RASGEF1A: variants seen among roughly 807,000 people sequenced by gnomAD.
RASGEF1A encodes the protein ras-GEF domain-containing family member 1A.
Under a neutral mutation model 56.4 loss-of-function variants are expected in RASGEF1A, and 18 were observed. The observed-to-expected ratio is 0.32, with a 90% CI of 0.22 to 0.47. The LOEUF (loss-of-function observed/expected upper bound fraction) is 0.47, where lower values mean the gene tolerates loss of function less well. RASGEF1A is among the 20% of genes least tolerant of loss of function. The pLI is 1.00. For missense variants in RASGEF1A, 422 were observed against 627.1 expected, an observed-to-expected ratio of 0.67 and a Z score of 3.49; for synonymous variants, 245 against 242.6, an observed-to-expected ratio of 1.01 and a Z score of -0.09.
intron 2 of RASGEF1A, 166 bp from the exon 3 acceptor site, chr10:43,203,586 C>A: frequency 7.8e-7 from 1 of 1,283,728 alleles, no homozygotes; most frequent in Non-Finnish European, 1.0e-6. Flanking sequence ...CCTTCCTCCT[C>A]TTACTGCTAC....
In RASGEF1A at chr10:43,214,477, A is replaced by G. The variant is rs1268064868; in HGVS notation, c.-6-8355T>C. Among the ~76,000 whole-genome samples the G allele has an allele frequency of 2.6e-4, 39 of 152,188 alleles. 1 individual carries two copies. The highest frequency in any genetic ancestry group is 2.6e-3 in the Admixed American group (39 of 15,284). ...CTTCGTAGGTGTGTGCACAGAGCAC[A>G]ACTGTCCAGCTCCCCAAAAGGGGCT... On this transcript the variant is annotated intron_variant, in intron 1 of 12. Coordinates refer to ENST00000395810, the MANE Select transcript of RASGEF1A (RefSeq NM_145313.4).
intron 10 of RASGEF1A, among the ~76,000 whole-genome samples, chr10:43,197,612 GCTCTT>G (rs1839820853): frequency 6.6e-6 from 1 of 152,190 alleles, no homozygotes; most frequent in Non-Finnish European, 1.5e-5. Flanking sequence ...CACGAGGCAG[GCTCTT>G]CACTTCCATC....
In RASGEF1A at chr10:43,217,747, C is replaced by T. The variant is rs989771398; in HGVS notation, c.-6-11625G>A. On this transcript the variant is annotated intron_variant, in intron 1 of 12. Transcript: ENST00000395810. Reference sequence around the variant, plus strand: ...GCCCTCAACAGCAGGTGCGCCACATCAGAGCCCCTTCCCACAACCGGGCTG... The same window carrying T: ...GCCCTCAACAGCAGGTGCGCCACATTAGAGCCCCTTCCCACAACCGGGCTG... 3.9e-5 allele frequency among the ~76,000 whole-genome samples: 6 copies of T among 152,330 alleles called. 1 individual carries two copies. Among genetic ancestry groups the T allele is most frequent in the Admixed American group, 3.9e-4 (6 of 15,302 alleles).
intron 1 of RASGEF1A, among the ~76,000 whole-genome samples, chr10:43,221,036 T>C (rs942947324): frequency 1.3e-5 from 2 of 152,184 alleles, no homozygotes; most frequent in East Asian, 3.9e-4. Flanking sequence ...GCAGAAGCAC[T>C]GCCCTCGAGA....
At chr10:43,221,447 C>T (rs1180036802) in intron 1 of RASGEF1A, among the ~76,000 whole-genome samples, 1 of 152,212 alleles carries the variant, frequency 6.6e-6, no homozygotes, top group Non-Finnish European at 1.5e-5. Context: ...GATGAAGGAA[C>T]AGAGGCCCAA....
At chr10:43,261,190 GCA>G (rs1367536571) in intron 1 of RASGEF1A, among the ~76,000 whole-genome samples, 1 of 152,202 alleles carries the variant, frequency 6.6e-6, no homozygotes, top group Non-Finnish European at 1.5e-5. Flanking sequence ...ATACTTGCCA[GCA>G]CAGTTTACTA....
intron 1 of RASGEF1A, among the ~76,000 whole-genome samples, chr10:43,234,841 G>C (rs1234326394): frequency 6.6e-6 from 1 of 152,186 alleles, no homozygotes; most frequent in Middle Eastern, 3.2e-3. Flanking sequence ...TCCTCAGACA[G>C]CCCCTGCCTC....
chr10:43,260,593 C>T (rs1030118277), intron 1 of RASGEF1A, among the ~76,000 whole-genome samples: 37 of 152,272 alleles, frequency 2.4e-4, no homozygotes, highest in Admixed American at 1.1e-3. Context: ...AGCTAGGGTC[C>T]GCCCCCCTCT....
chr10:43,199,283 G>T, intron 7 of RASGEF1A, 89 bp from the exon 8 acceptor site: 1 of 984,990 alleles, frequency 1.0e-6, no homozygotes, highest in Non-Finnish European at 1.6e-6. Context: ...GGGCAGGGAG[G>T]ACCTCGGGAC....
intron 1 of RASGEF1A, among the ~76,000 whole-genome samples, chr10:43,232,600 C>T (rs190029591): frequency 6.7e-6 from 1 of 150,132 alleles, no homozygotes; most frequent in East Asian, 2.0e-4. Flanking sequence ...GATTCTCTTG[C>T]CTCAGCCTCT....
chr10:43,203,983 C>T (rs1176885260), intron 2 of RASGEF1A, among the ~76,000 whole-genome samples: 1 of 150,480 alleles, frequency 6.6e-6, no homozygotes, highest in African/African-American at 2.4e-5. Flanking sequence ...CTGGTGGGGG[C>T]CCCTGCACTC....
At chr10:43,263,666 C>T (rs1304589813) in intron 1 of RASGEF1A, among the ~76,000 whole-genome samples, 1 of 152,116 alleles carries the variant, frequency 6.6e-6, no homozygotes, top group East Asian at 1.9e-4. Context: ...CAGCACAGGC[C>T]GGCAGCTCAG....
At chr10:43,200,123 G>T in intron 6 of RASGEF1A, 59 bp downstream of exon 6, 2 of 1,392,746 alleles carry the variant, frequency 1.4e-6, no homozygotes, top group South Asian at 2.5e-5. Context: ...ACCCTGCATG[G>T]AGCGCAAGTG....
rs553793299 is a variant in RASGEF1A at position 43,201,916 on chromosome 10, G to A, written c.351C>T (p.Ile117=). 5.6e-6 allele frequency: 9 copies of A among 1,609,894 alleles called. No homozygotes were observed. The highest frequency in any genetic ancestry group is 4.0e-5 in the African/African-American group (3 of 74,894). The part of the protein sequence containing the change: ...KAKLKSFSAK[I]VQLLKEWTEA... ...CGGTCCACTCCTTCAGGAGCTGCAC[G>A]ATCTTGGCTGAGAAAGACTTCAGCT... The change falls in exon 4 of 13, where the codon ATC becomes ATT. Residue 117 remains isoleucine, a synonymous_variant. Coordinates refer to ENST00000395810, the MANE Select transcript of RASGEF1A (RefSeq NM_145313.4).
chr10:43,244,440 A>C (rs939735754), intron 1 of RASGEF1A, among the ~76,000 whole-genome samples: 2 of 151,142 alleles, frequency 1.3e-5, no homozygotes, highest in African/African-American at 4.9e-5. Flanking sequence ...CAACACTTTA[A>C]GCCAACTAGA....
Position 43,261,983 on chromosome 10 carries a change from T to G in RASGEF1A, c.-7+4862A>C, listed in dbSNP as rs566088461. On this transcript the variant is annotated intron_variant, in intron 1 of 12. Coordinates refer to ENST00000395810, the MANE Select transcript of RASGEF1A (RefSeq NM_145313.4). ...AAGTACCTGGTGCTGTGGCTGGGCA[T>G]GTCTCCCCAGGCCCCAAGGAGGAGG... Among the ~76,000 whole-genome samples the G allele has an allele frequency of 2.9e-3, 441 of 152,260 alleles. 1 individual carries two copies. The highest frequency in any genetic ancestry group is 0.01 in the African/African-American group (429 of 41,558).
chr10:43,237,347 C>T (rs1459813785), intron 1 of RASGEF1A, among the ~76,000 whole-genome samples: 1 of 152,090 alleles, frequency 6.6e-6, no homozygotes, highest in Admixed American at 6.5e-5. Context: ...TCCTGCTTCA[C>T]CTGCCCTCCA....
chr10:43,256,204 G>A (rs908064371), intron 1 of RASGEF1A, among the ~76,000 whole-genome samples: 1 of 152,030 alleles, frequency 6.6e-6, no homozygotes, highest in Non-Finnish European at 1.5e-5. Context: ...TGCTGAGGGG[G>A]CCTGGAGCCA....
At chr10:43,222,362 AG>A (rs762279929) in intron 1 of RASGEF1A, among the ~76,000 whole-genome samples, 4 of 152,264 alleles carry the variant, frequency 2.6e-5, no homozygotes, top group Non-Finnish European at 5.9e-5. Context: ...GCTGGTTGTC[AG>A]GGGAACCAAC....
Sources: gnomAD v4.1 joint callset for allele counts (sites outside exome capture counted in the v4.1 genomes callset) on GRCh38, gnomAD v4.1.1 for gene constraint, MANE v1.5 for transcripts, NCBI Gene and HGNC (gene_info 2026-07-23, HGNC 2026-07-21) for gene names.